The following MAP7 variants were observed in gnomAD, a reference collection of about 807,000 sequenced individuals.
MAP7 encodes microtubule associated protein 7, also known as ensconsin.
Under a neutral mutation model 94.8 loss-of-function variants are expected in MAP7, and 52 were observed. The ratio of observed to expected loss-of-function variants is 0.55; its 90% CI spans 0.44 to 0.69. The LOEUF is 0.69. Ranked by LOEUF, MAP7 falls within the 30% of genes least tolerant of loss-of-function variation. MAP7 has a pLI of 0.00. For missense variants in MAP7, 940 were observed against 964.6 expected (o/e 0.97, Z 0.34); for synonymous variants, 350 against 357.0 (o/e 0.98, Z 0.22).
chr6:136,391,689 T>C (rs537227627), intron 3 of MAP7, among the ~76,000 whole-genome samples: 32 of 143,580 alleles, frequency 2.2e-4, no homozygotes, highest in Admixed American at 2.1e-3. Flanking sequence ...AAAAAAAGCA[T>C]ATAGTATACA....
chr6:136,510,085 C>T (rs568247280), intron 1 of MAP7, among the ~76,000 whole-genome samples: 1 of 152,124 alleles, frequency 6.6e-6, no homozygotes, highest in African/African-American at 2.4e-5. Context: ...GCCTGTAGTC[C>T]CTGCCACTCG....
intron 3 of MAP7, among the ~76,000 whole-genome samples, chr6:136,391,249 T>A (rs556777818): frequency 5.4e-4 from 81 of 150,988 alleles, no homozygotes; most frequent in African/African-American, 1.7e-3. Context: ...ATATCCTTTG[T>A]AGGGACATGG....
chr6:136,442,311 A>C (rs921379764), intron 1 of MAP7, among the ~76,000 whole-genome samples: 11 of 149,864 alleles, frequency 7.3e-5, no homozygotes, highest in African/African-American at 2.7e-4. Context: ...AGGCTGAGAC[A>C]GGAGAACTGC....
intron 1 of MAP7, among the ~76,000 whole-genome samples, chr6:136,465,496 A>G (rs1562432764): frequency 6.6e-6 from 1 of 152,250 alleles, no homozygotes; most frequent in Non-Finnish European, 1.5e-5. Flanking sequence ...ACGTCTCCAT[A>G]AAACAGAATC....
chr6:136,396,666 T>G (rs547992040), intron 3 of MAP7, among the ~76,000 whole-genome samples: 1 of 152,332 alleles, frequency 6.6e-6, no homozygotes, highest in South Asian at 2.1e-4. Context: ...TGGGAACTAC[T>G]TCCTGATTCA....
At chr6:136,534,161 T>A (rs1450157365) in intron 1 of MAP7, among the ~76,000 whole-genome samples, 1 of 152,188 alleles carries the variant, frequency 6.6e-6, no homozygotes, top group Non-Finnish European at 1.5e-5. Flanking sequence ...CCAATAGTAT[T>A]TTTGGTTGTT....
chr6:136,358,691 C>T (rs976334887), intron 15 of MAP7, among the ~76,000 whole-genome samples: 19 of 152,202 alleles, frequency 1.2e-4, no homozygotes, highest in Non-Finnish European at 2.2e-4. Flanking sequence ...CCAGCCTTTG[C>T]TTTTGTTTGT....
intron 7 of MAP7, among the ~76,000 whole-genome samples, chr6:136,372,964 T>C (rs1209897198): frequency 6.6e-6 from 1 of 152,220 alleles, no homozygotes; most frequent in Non-Finnish European, 1.5e-5. Flanking sequence ...ATATTCCTAT[T>C]AGCTGATGGT....
intron 16 of MAP7, among the ~76,000 whole-genome samples, chr6:136,349,314 A>G: frequency 6.6e-6 from 1 of 152,208 alleles, no homozygotes; most frequent in South Asian, 2.1e-4. Context: ...TATATCTTAC[A>G]TAGGAAAATG....
chr6:136,517,501 T>A (rs1203067236), intron 1 of MAP7, among the ~76,000 whole-genome samples: 1 of 152,244 alleles, frequency 6.6e-6, no homozygotes, highest in African/African-American at 2.4e-5. Context: ...AATTGTCACA[T>A]AATCAGCTCC....
intron 2 of MAP7, among the ~76,000 whole-genome samples, chr6:136,415,576 C>T (rs72977538): frequency 0.02 from 2,983 of 152,248 alleles, 52 homozygotes; most frequent in Middle Eastern, 0.027. Context: ...GATTGTGCAA[C>T]GTAATGCTTC....
At chr6:136,388,986 G>A (rs1246995210) in intron 4 of MAP7, among the ~76,000 whole-genome samples, 7 of 152,100 alleles carry the variant, frequency 4.6e-5, no homozygotes, top group Non-Finnish European at 1.0e-4. Flanking sequence ...GACATATAAT[G>A]CATGCTAAAG....
intron 3 of MAP7, among the ~76,000 whole-genome samples, chr6:136,393,977 T>A (rs1781542974): frequency 9.0e-6 from 1 of 110,648 alleles, no homozygotes; most frequent in South Asian, 2.7e-4. Context: ...GCAGCAAAGG[T>A]ATTTTTTTTT....
At position 136,366,799 on chromosome 6, in the gene MAP7, AT is replaced by A. The variant is rs1794441292; in HGVS notation, c.877-361del. On this transcript the variant is annotated intron_variant, in intron 8 of 17. Transcript: ENST00000354570. ...CCCACAAATGTCAAATGTTACTTTC[AT>A]TTTTTAAAAAATTTTAATTAAAACA... Among the ~76,000 whole-genome samples, 2 of 151,692 alleles carry A rather than the reference AT, an allele frequency of 1.3e-5. 1 individual carries two copies. The highest frequency in any genetic ancestry group is 3.9e-4 in the East Asian group (2 of 5,162).
chr6:136,472,709 A>G (rs1056480763), intron 1 of MAP7, among the ~76,000 whole-genome samples: 4 of 152,208 alleles, frequency 2.6e-5, no homozygotes, highest in Admixed American at 2.0e-4. Context: ...TTCTCTTATA[A>G]CCTAATTTGC....
At position 136,383,795 on chromosome 6, in the gene MAP7, A is replaced by C; in HGVS notation, c.527-14T>G. ...GCCTGTCTGGATCTAAAACAAATGG[A>C]GATAATGCTAATTGACAGCCAACAT... is the stretch of plus-strand genomic sequence containing the variant. On this transcript the variant is annotated splice_polypyrimidine_tract_variant and intron_variant, in intron 5 of 17. Transcript: ENST00000354570. 6.7e-7 allele frequency: 1 copy of C among 1,492,624 alleles called. No homozygotes were observed. The highest frequency in any genetic ancestry group is 9.3e-7 in the Non-Finnish European group (1 of 1,071,632). The allele number at this position is 1,492,624 out of a possible 1,614,324, so 92.5% of individuals were successfully genotyped here.
At chr6:136,428,016 T>C (rs1039267023) in intron 1 of MAP7, among the ~76,000 whole-genome samples, 2 of 152,206 alleles carry the variant, frequency 1.3e-5, no homozygotes, top group Non-Finnish European at 2.9e-5. Flanking sequence ...ACTTTATAAA[T>C]ACAGTCCAAC....
rs1312788752 is a variant in MAP7 at position 136,467,589 on chromosome 6, T to TG, written c.68-45791_68-45790insC. Among the ~76,000 whole-genome samples the TG allele has an allele frequency of 3.9e-5, 6 of 152,344 alleles. No homozygotes were observed. The East Asian group carries it at 1.2e-3, about 29-fold the overall frequency. Reference sequence around the variant, plus strand: ...AAATATTGGTCCTCAGAGTTTATCATTTTTTAGTCAGTGATATATTGCATT... The same window carrying TG: ...AAATATTGGTCCTCAGAGTTTATCATGTTTTTAGTCAGTGATATATTGCATT... On this transcript the variant is annotated intron_variant, in intron 1 of 17. Coordinates refer to ENST00000354570, the MANE Select transcript of MAP7 (RefSeq NM_003980.6).
chr6:136,469,183 A>T (rs1341782127), intron 1 of MAP7, among the ~76,000 whole-genome samples: 1 of 152,148 alleles, frequency 6.6e-6, no homozygotes, highest in Non-Finnish European at 1.5e-5. Flanking sequence ...CCACTGTCAT[A>T]GAAAGAGGCA....
Sources: gnomAD v4.1 joint callset for allele counts (sites outside exome capture counted in the v4.1 genomes callset) on GRCh38, gnomAD v4.1.1 for gene constraint, MANE v1.5 for transcripts, NCBI Gene and HGNC (gene_info 2026-07-23, HGNC 2026-07-21) for gene names.